MINDY3: variants seen among roughly 807,000 people sequenced by gnomAD.
MINDY3 encodes the protein ubiquitin carboxyl-terminal hydrolase MINDY-3.
Under a neutral mutation model 69.2 loss-of-function variants are expected in MINDY3, and 38 were observed. The ratio of observed to expected loss-of-function variants is 0.55; its 90% CI spans 0.42 to 0.72. The LOEUF is 0.72. Among genes scored for constraint, MINDY3 ranks in the 30% least tolerant of loss-of-function variants. The probability of loss-of-function intolerance (pLI) is 0.00; values close to 1 mark genes in which losing one functional copy is unlikely to be tolerated. For missense variants in MINDY3, 522 were observed against 519.0 expected (o/e 1.01, Z -0.06); for synonymous variants, 192 against 180.1 (o/e 1.07, Z -0.53).
chr10:15,826,542 T>G (rs984837485), intron 8 of MINDY3, among the ~76,000 whole-genome samples: 6 of 152,154 alleles, frequency 3.9e-5, no homozygotes, highest in Non-Finnish European at 8.8e-5. Context: ...AATCCAAATC[T>G]TCAAAGATTT....
intron 10 of MINDY3, among the ~76,000 whole-genome samples, chr10:15,816,106 A>T (rs1387841434): frequency 1.3e-5 from 2 of 151,914 alleles, no homozygotes; most frequent in Non-Finnish European, 2.9e-5. Context: ...TCTACTAAAA[A>T]CACAATTAGC....
chr10:15,855,621 G>T (rs1349952349), intron 1 of MINDY3, among the ~76,000 whole-genome samples: 1 of 151,942 alleles, frequency 6.6e-6, no homozygotes. Context: ...GAACCTCATC[G>T]CAATTTTTCA....
intron 10 of MINDY3, among the ~76,000 whole-genome samples, chr10:15,812,697 C>T (rs757323655): frequency 2.0e-5 from 3 of 152,158 alleles, no homozygotes; most frequent in East Asian, 1.9e-4. Context: ...TCTCCACATG[C>T]CTGTCTGAGA....
intron 2 of MINDY3, among the ~76,000 whole-genome samples, chr10:15,845,568 T>C (rs1194349989): frequency 6.6e-6 from 1 of 152,060 alleles, no homozygotes; most frequent in African/African-American, 2.4e-5. Context: ...GGCATGATCA[T>C]AGCTCACTGC....
intron 1 of MINDY3, among the ~76,000 whole-genome samples, chr10:15,859,868 C>T (rs1210625017): frequency 1.3e-5 from 2 of 152,216 alleles, no homozygotes; most frequent in Non-Finnish European, 2.9e-5. Context: ...GGCCACAGCA[C>T]CCCTTGAGAA....
intron 10 of MINDY3, among the ~76,000 whole-genome samples, chr10:15,801,953 C>T (rs1410710613): frequency 6.6e-6 from 1 of 151,650 alleles, no homozygotes; most frequent in Admixed American, 6.6e-5. Flanking sequence ...TGAACCAGTG[C>T]TGGACAATGA....
At chr10:15,813,920 A>G (rs1839178625) in intron 10 of MINDY3, among the ~76,000 whole-genome samples, 1 of 151,778 alleles carries the variant, frequency 6.6e-6, no homozygotes, top group Non-Finnish European at 1.5e-5. Flanking sequence ...CTGGGGAAAA[A>G]TTAAAACAAT....
chr10:15,819,132 T>G (rs1040734424), intron 9 of MINDY3, among the ~76,000 whole-genome samples: 1 of 152,120 alleles, frequency 6.6e-6, no homozygotes, highest in Non-Finnish European at 1.5e-5. Context: ...TATTAATGCA[T>G]GTATAATCAA....
In MINDY3 at chr10:15,838,167, C is replaced by T. The variant is rs942708232; in HGVS notation, c.461+61G>A. ...ACTAAGAACCTTTCCACAGTATGAA[C>T]AGACTTAAAGTGGCAATGTGTCCAC... is the stretch of plus-strand genomic sequence containing the variant. On this transcript the variant is annotated intron_variant, in intron 5 of 14. Transcript: ENST00000277632. 4.6e-6 allele frequency: 7 copies of T among 1,527,528 alleles called. No homozygotes were observed. The African/African-American group carries it at 7.0e-5, about 15-fold the overall frequency. The allele number at this position is 1,527,528 out of a possible 1,614,324, so 94.6% of individuals were successfully genotyped here. A position where few individuals can be genotyped will look rare whatever the true frequency, so the allele number is the denominator to read the frequency against.
chr10:15,846,008 AG>A (rs1347749491), intron 2 of MINDY3, among the ~76,000 whole-genome samples: 2 of 151,276 alleles, frequency 1.3e-5, no homozygotes, highest in Non-Finnish European at 1.5e-5. Context: ...TTTTTAGTAG[AG>A]ACGAGGTTTC....
intron 11 of MINDY3, among the ~76,000 whole-genome samples, chr10:15,791,106 G>T (rs750751013): frequency 6.6e-6 from 1 of 151,896 alleles, no homozygotes; most frequent in Non-Finnish European, 1.5e-5. Context: ...AACTGTACCC[G>T]GTCAGTAACT....
At chr10:15,835,956 C>A (rs975158130) in intron 6 of MINDY3, among the ~76,000 whole-genome samples, 2 of 152,018 alleles carry the variant, frequency 1.3e-5, no homozygotes, top group African/African-American at 4.8e-5. Context: ...CAACTCCTAT[C>A]CCAATTTAAG....
At chr10:15,816,583 A>C (rs1281144105) in intron 10 of MINDY3, among the ~76,000 whole-genome samples, 1 of 152,150 alleles carries the variant, frequency 6.6e-6, no homozygotes, top group Non-Finnish European at 1.5e-5. Flanking sequence ...GATTTCTGAA[A>C]AAAATCAAAA....
intron 1 of MINDY3, among the ~76,000 whole-genome samples, chr10:15,851,752 GA>G (rs765539415): frequency 6.6e-5 from 10 of 151,994 alleles, no homozygotes; most frequent in Non-Finnish European, 1.5e-4. Context: ...ACAGTTGCCA[GA>G]AAGTATTTTA....
At chr10:15,791,536 G>A (rs1837415254) in intron 11 of MINDY3, among the ~76,000 whole-genome samples, 4 of 151,956 alleles carry the variant, frequency 2.6e-5, no homozygotes, top group Non-Finnish European at 5.9e-5. Context: ...TGGGGACTAT[G>A]AGGCAGGGCA....
chr10:15,828,100 AAAC>A (rs1395192127), intron 8 of MINDY3, among the ~76,000 whole-genome samples: 5 of 152,224 alleles, frequency 3.3e-5, no homozygotes, highest in African/African-American at 1.2e-4. Context: ...TATGGCAAAG[AAAC>A]ACTAAAATAT....
At chr10:15,784,405 T>C (rs773648356) in intron 13 of MINDY3, among the ~76,000 whole-genome samples, 1 of 152,212 alleles carries the variant, frequency 6.6e-6, no homozygotes, top group Non-Finnish European at 1.5e-5. Flanking sequence ...CTGGCTGTCC[T>C]TGTCACTCCA....
chr10:15,789,342 C>T, intron 11 of MINDY3, 23 bp from the exon 12 acceptor site: 1 of 1,573,630 alleles, frequency 6.4e-7, no homozygotes, highest in South Asian at 1.1e-5. Flanking sequence ...AAATCAGAAA[C>T]AACTTGAAAT....
rs539108371 is a variant in MINDY3 at position 15,821,749 on chromosome 10, C to A, written c.731-23G>T. 1.2e-4 allele frequency: 184 copies of A among 1,590,384 alleles called. No individual in the cohort carries two copies. Among genetic ancestry groups the A allele is most frequent in the South Asian group, 2.2e-4 (20 of 88,998 alleles). ...GTTCTGCAAAAAACAACAACAACAA[C>A]AAAAAACGAAAACTTAGCATTGTAG... On this transcript the variant is annotated intron_variant, in intron 8 of 14. Transcript: ENST00000277632.
Sources: gnomAD v4.1 joint callset for allele counts (sites outside exome capture counted in the v4.1 genomes callset) on GRCh38, gnomAD v4.1.1 for gene constraint, MANE v1.5 for transcripts, NCBI Gene and HGNC (gene_info 2026-07-23, HGNC 2026-07-21) for gene names.